Variants in SLIT3 observed in about 807,000 individuals in gnomAD.
The protein encoded by SLIT3 is slit homolog 3 protein.
Under a neutral mutation model 184.0 loss-of-function variants are expected in SLIT3, and 68 were observed. The observed-to-expected ratio is 0.37, with a 90% confidence interval of 0.30 to 0.45. SLIT3 has a LOEUF of 0.45. Among genes scored for constraint, SLIT3 ranks in the 20% least tolerant of loss-of-function variants. The pLI is 1.00. For synonymous variants in SLIT3, 831 were observed against 828.6 expected, an observed-to-expected ratio of 1.00 and a Z score of -0.05; for missense variants, 1,707 against 2,026.0, an observed-to-expected ratio of 0.84 and a Z score of 3.02.
intron 4 of SLIT3, among the ~76,000 whole-genome samples, chr5:169,047,660 A>T (rs1438924594): frequency 6.6e-6 from 1 of 151,796 alleles, no homozygotes. Flanking sequence ...AACTCCCCCG[A>T]CTACACTGTC....
intron 6 of SLIT3, among the ~76,000 whole-genome samples, chr5:168,835,720 A>G (rs1758029708): frequency 1.3e-5 from 2 of 151,554 alleles, no homozygotes; most frequent in Admixed American, 6.6e-5. Flanking sequence ...CTGAGACAAG[A>G]GAGTTGCTTG....
chr5:168,847,963 A>C (rs1758537071), intron 5 of SLIT3, among the ~76,000 whole-genome samples: 1 of 152,196 alleles, frequency 6.6e-6, no homozygotes, highest in Non-Finnish European at 1.5e-5. Context: ...ATCACTCGGG[A>C]GGCATCTGCA....
intron 3 of SLIT3, among the ~76,000 whole-genome samples, chr5:169,202,928 T>C (rs1763948883): frequency 6.6e-6 from 1 of 152,166 alleles, no homozygotes; most frequent in Non-Finnish European, 1.5e-5. Context: ...GAGCCTGCCT[T>C]GCCTCTGACC....
chr5:168,905,185 G>GA (rs34966423), intron 4 of SLIT3, among the ~76,000 whole-genome samples: 68,349 of 150,752 alleles, frequency 0.45, 15,891 homozygotes, highest in East Asian at 0.63. Context: ...CCAAAAAAAA[G>GA]AAAAAAAATG....
intron 9 of SLIT3, among the ~76,000 whole-genome samples, chr5:168,798,241 A>ATTTT (rs1756644609): frequency 5.5e-5 from 2 of 36,510 alleles, no homozygotes; most frequent in Admixed American, 4.1e-4. Context: ...TTTTTTTTTA[A>ATTTT]GAGACAGAGT....
intron 4 of SLIT3, among the ~76,000 whole-genome samples, chr5:168,925,905 C>T (rs979536777): frequency 3.3e-5 from 5 of 152,182 alleles, no homozygotes; most frequent in African/African-American, 1.2e-4. Flanking sequence ...TGATGAGAGT[C>T]AACGGACAAG....
chr5:168,742,121 C>T (rs1477298445), intron 20 of SLIT3, among the ~76,000 whole-genome samples: 4 of 122,174 alleles, frequency 3.3e-5, no homozygotes, highest in African/African-American at 1.3e-4. Context: ...AAGGCATATG[C>T]ACTGGGGGAA....
Position 168,946,740 on chromosome 5 carries a change from G to A in SLIT3, c.414-63404C>T, listed in dbSNP as rs573605957. Among the ~76,000 whole-genome samples, 24 of 152,238 alleles carry A rather than the reference G, an allele frequency of 1.6e-4. 1 individual carries two copies. In the South Asian group the frequency reaches 5.0e-3, roughly 32 times the overall value. On this transcript the variant is annotated intron_variant, in intron 4 of 35. Transcript: ENST00000519560. ...ACACCGGACACACGCTCACCCCCTA[G>A]CCCAGCCTTCATCCCTCATTCTCAC...
intron 4 of SLIT3, among the ~76,000 whole-genome samples, chr5:168,956,076 G>A (rs1422457559): frequency 1.3e-5 from 2 of 152,162 alleles, no homozygotes; most frequent in African/African-American, 4.8e-5. Flanking sequence ...CTCATTTTGA[G>A]TTTTAAAGGG....
intron 5 of SLIT3, among the ~76,000 whole-genome samples, chr5:168,879,503 C>T (rs1448746588): frequency 6.6e-6 from 1 of 152,198 alleles, no homozygotes; most frequent in Non-Finnish European, 1.5e-5. Context: ...ATTATCACCT[C>T]TGTCCAGATG....
chr5:169,158,482 A>G (rs1762377976), intron 4 of SLIT3, among the ~76,000 whole-genome samples: 2 of 152,190 alleles, frequency 1.3e-5, no homozygotes, highest in Admixed American at 6.5e-5. Context: ...CTAAAAAAAA[A>G]TCCTCTAAAC....
chr5:169,066,695 A>G (rs1758357939), intron 4 of SLIT3, among the ~76,000 whole-genome samples: 1 of 152,226 alleles, frequency 6.6e-6, no homozygotes, highest in South Asian at 2.1e-4. Flanking sequence ...TTTTCGCCCA[A>G]GGAAATCATC....
chr5:169,026,268 G>A (rs1756818895), intron 4 of SLIT3: 1 of 152,124 alleles, frequency 6.6e-6, no homozygotes, highest in Non-Finnish European at 1.5e-5. Context: ...ATTGTAAGAA[G>A]GCTTCCTGAA....
chr5:168,968,280 C>A (rs559328669), intron 4 of SLIT3, among the ~76,000 whole-genome samples: 2 of 152,324 alleles, frequency 1.3e-5, no homozygotes, highest in African/African-American at 4.8e-5. Flanking sequence ...TCTCCCAACA[C>A]AACGTGTAAA....
At chr5:168,926,178 G>A (rs1761817002) in intron 4 of SLIT3, among the ~76,000 whole-genome samples, 1 of 146,418 alleles carries the variant, frequency 6.8e-6, no homozygotes, top group Non-Finnish European at 1.5e-5. Context: ...GATCTACTGA[G>A]GGCATGTTTT....
chr5:168,904,359 C>T (rs1760972834), intron 4 of SLIT3, among the ~76,000 whole-genome samples: 1 of 152,142 alleles, frequency 6.6e-6, no homozygotes, highest in Non-Finnish European at 1.5e-5. Context: ...ACTAATTCTC[C>T]AGTCCTGATA....
At chr5:169,174,236 C>T (rs1160452960) in intron 4 of SLIT3, among the ~76,000 whole-genome samples, 2 of 152,170 alleles carry the variant, frequency 1.3e-5, no homozygotes, top group Admixed American at 6.6e-5. Context: ...TTCATTTTCC[C>T]TTATCCTGCA....
At chr5:169,088,967 C>A (rs1210510724) in intron 4 of SLIT3, among the ~76,000 whole-genome samples, 1 of 127,638 alleles carries the variant, frequency 7.8e-6, no homozygotes, top group Non-Finnish European at 1.6e-5. Flanking sequence ...TTGCAGTGAG[C>A]CAAGATCATG....
chr5:168,685,192 A>G (rs1245436220), intron 31 of SLIT3, among the ~76,000 whole-genome samples: 1 of 152,104 alleles, frequency 6.6e-6, no homozygotes, highest in Non-Finnish European at 1.5e-5. Context: ...CAAGTGATCC[A>G]CCCACCTCAG....
Sources: allele counts gnomAD v4.1 joint callset (sites outside exome capture counted in the v4.1 genomes callset), GRCh38; gene constraint gnomAD v4.1.1; transcripts MANE v1.5; gene names NCBI Gene and HGNC (gene_info 2026-07-23, HGNC 2026-07-21).